Variants in AKNA observed in about 807,000 individuals in gnomAD.
AKNA encodes the protein AT-hook transcription factor.
A neutral mutation model predicts 138.8 loss-of-function variants in AKNA; 67 were observed. That is an observed-to-expected ratio of 0.48 (90% CI 0.40 to 0.59). The LOEUF (loss-of-function observed/expected upper bound fraction) is 0.59, where lower values mean the gene tolerates loss of function less well. Ranked by LOEUF, AKNA falls within the 20% of genes least tolerant of loss-of-function variation. The pLI is 0.00. For synonymous variants in AKNA, 737 were observed against 754.4 expected (o/e 0.98, Z 0.38); for missense variants, 1,813 against 1,880.4 (o/e 0.96, Z 0.66).
chr9:114,377,287 A>C lies in AKNA; in HGVS notation c.520T>G (p.Ser174Ala). 1 of 1,614,166 alleles carries C rather than the reference A, an allele frequency of 6.2e-7. No individual in the cohort carries two copies. The change falls in exon 3 of 22, where the codon TCT becomes GCT. Residue 174 changes from serine (S) to alanine (A), a missense_variant. Ser to Ala is a moderately conservative substitution (Grantham distance 99, BLOSUM62 1). Coordinates refer to ENST00000374088, the MANE Select transcript of AKNA (RefSeq NM_001317950.2). ...TTGTCCCCACTGGCTTGTTCGCCAG[A>C]AGCCACCCAGCCCCTGGCCTGACCA... Reference protein sequence around the residue: ...GHGQARGWVASGEQASGDKLS... With the variant: ...GHGQARGWVAAGEQASGDKLS...
chr9:114,395,336 C>T (rs1047696291), upstream of AKNA, among the ~76,000 whole-genome samples: 5 of 152,110 alleles, frequency 3.3e-5, no homozygotes, highest in African/African-American at 9.7e-5. Context: ...CCAACTGCCG[C>T]ACCTCTTCCC....
chr9:114,387,832 C>T (rs755688578), intron 1 of AKNA, 28 bp downstream of exon 1: 31 of 438,134 alleles, frequency 7.1e-5, no homozygotes, highest in Middle Eastern at 3.3e-4. Flanking sequence ...AGCGGCCTCC[C>T]GGGCCCTCCT....
intron 17 of AKNA, 65 bp downstream of exon 17, chr9:114,346,604 G>T: frequency 7.6e-7 from 1 of 1,315,928 alleles, no homozygotes; most frequent in South Asian, 1.3e-5. Flanking sequence ...TGTGGTCCCT[G>T]ACCACTGAGC....
upstream of AKNA, among the ~76,000 whole-genome samples, chr9:114,396,465 G>A (rs1009143997): frequency 2.0e-5 from 3 of 152,064 alleles, no homozygotes; most frequent in Non-Finnish European, 2.9e-5. Context: ...AGGATCATGA[G>A]GTCAGGAAAT....
At chr9:114,390,762 G>A (rs1307179262), upstream of AKNA, among the ~76,000 whole-genome samples, 1 of 152,164 alleles carries the variant, frequency 6.6e-6, no homozygotes, top group African/African-American at 2.4e-5. Context: ...CTGCCATACA[G>A]GCCTCCTTGC....
chr9:114,344,424 CACCCAGCCCCACCACCTCCTGCCTT>C (rs1207095529), intron 18 of AKNA: 2 of 153,022 alleles, frequency 1.3e-5, no homozygotes, highest in Non-Finnish European at 2.9e-5. Context: ...GTGGCCTCCT[CACCCAGCCCCACCACCTCCTGCCTT>C]ACCCACCCCT....
chr9:114,377,073 C>A lies in AKNA; in HGVS notation c.734G>T (p.Ser245Ile). ...LPEGPSHHLL[S>I]PDGRTGGSVA... ...ACTGCCTCCAGTTCTGCCATCTGGGCTTAGGAGGTGGTGGCTGGGGCCCTC... is the reference window on the plus strand; with the variant it reads ...ACTGCCTCCAGTTCTGCCATCTGGGATTAGGAGGTGGTGGCTGGGGCCCTC... The change falls in exon 3 of 22, where the codon AGC (serine) becomes ATC (isoleucine). Residue 245 changes from serine (S) to isoleucine (I), a missense_variant. Physicochemically the swap from Ser to Ile is moderately radical, Grantham distance 142. Coordinates refer to ENST00000374088, the MANE Select transcript of AKNA (RefSeq NM_001317950.2). The A allele has an allele frequency of 6.2e-7, 1 of 1,614,112 alleles. No individual in the cohort carries two copies. The highest frequency in any genetic ancestry group is 8.5e-7 in the Non-Finnish European group (1 of 1,179,994).
chr9:114,389,064 G>C (rs1252219050), upstream of AKNA, among the ~76,000 whole-genome samples: 8 of 152,158 alleles, frequency 5.3e-5, no homozygotes, highest in Non-Finnish European at 1.2e-4. Flanking sequence ...TCTATGAGGA[G>C]GTGACATTCA....
downstream of AKNA, chr9:114,331,485 C>A: frequency 8.8e-7 from 1 of 1,131,758 alleles, no homozygotes; most frequent in Non-Finnish European, 1.3e-6. Context: ...TGGCCCCGGA[C>A]ACACCTAGGA....
At position 114,356,122 on chromosome 9, in the gene AKNA, A is replaced by G. The variant is rs771277746; in HGVS notation, c.2861T>C (p.Leu954Ser). 1.9e-6 allele frequency: 3 copies of G among 1,613,442 alleles called. No homozygotes were observed. The Admixed American group carries it at 5.0e-5, about 27-fold the overall frequency. Residue 954 changes from leucine (L) to serine (S), a missense_variant, in exon 14 of 22, where the codon TTA becomes TCA. Physicochemically the swap from Leu to Ser is moderately radical, Grantham distance 145. Coordinates refer to ENST00000374088, the MANE Select transcript of AKNA (RefSeq NM_001317950.2). ...RLSHISTAGTLAQPFAASVPR... is the reference protein window; with the variant it reads ...RLSHISTAGTSAQPFAASVPR... ...CACAGATGCAGCAAAGGGCTGGGCT[A>G]ATGTTCCTGCTGTGCTGGGGGACCG... is the stretch of plus-strand genomic sequence containing the variant.
intron 2 of AKNA, 149 bp from the exon 3 acceptor site, chr9:114,377,681 G>T: frequency 1.2e-6 from 1 of 809,322 alleles, no homozygotes; most frequent in Non-Finnish European, 1.9e-6. Context: ...TTAGCCAAGT[G>T]CTTGTCTGAT....
chr9:114,347,782 C>G lies in AKNA; in HGVS notation c.3340G>C (p.Ala1114Pro). 1.3e-6 allele frequency: 2 copies of G among 1,547,722 alleles called. No individual in the cohort carries two copies. The highest frequency in any genetic ancestry group is 1.7e-6 in the Non-Finnish European group (2 of 1,145,500). Residue 1114 changes from alanine to proline, a missense_variant, in exon 16 of 22, where the codon GCC (alanine) becomes CCC (proline). Physicochemically the swap from Ala to Pro is conservative, Grantham distance 27. Coordinates refer to ENST00000374088, the MANE Select transcript of AKNA (RefSeq NM_001317950.2). The stretch of plus-strand genomic sequence containing the variant: ...TCTGCTGGCCGGCCGCGGGTCCGGG[C>G]GGGGCGGTCAAAGGCAGATGCTGGG... ...TRPASAFDRPARTRGRPADSP... is the reference protein window; with the variant it reads ...TRPASAFDRPPRTRGRPADSP...
chr9:114,356,205 AG>A, intron 13 of AKNA, 69 bp from the exon 14 acceptor site: 1 of 1,464,124 alleles, frequency 6.8e-7, no homozygotes, highest in Non-Finnish European at 9.3e-7. Context: ...GCAGCATCTG[AG>A]CCCCTCCACA....
chr9:114,377,570 G>C (rs749173922), intron 2 of AKNA, 38 bp from the exon 3 acceptor site: 1 of 1,527,884 alleles, frequency 6.5e-7, no homozygotes, highest in Non-Finnish European at 8.8e-7. Flanking sequence ...GCATATACCA[G>C]CTCTGCACCC....
At chr9:114,365,745 T>A (rs1385125189) in intron 6 of AKNA, among the ~76,000 whole-genome samples, 1 of 152,220 alleles carries the variant, frequency 6.6e-6, no homozygotes, top group Admixed American at 6.5e-5. Context: ...GGAGACACTT[T>A]ATATTTCTAA....
chr9:114,357,100 G>T, intron 12 of AKNA, 131 bp from the exon 13 acceptor site: 2 of 697,648 alleles, frequency 2.9e-6, no homozygotes, highest in Non-Finnish European at 2.3e-6. Flanking sequence ...GCTCCCAACA[G>T]CCAGGCCCAG....
chr9:114,348,081 C>T (rs994390482), intron 15 of AKNA, among the ~76,000 whole-genome samples, 181 bp from the exon 16 acceptor site: 3 of 152,186 alleles, frequency 2.0e-5, no homozygotes, highest in Admixed American at 6.5e-5. Flanking sequence ...CAACTTGACA[C>T]CTTTCTGAGT....
At chr9:114,341,903 C>T in intron 20 of AKNA, 106 bp downstream of exon 20, 2 of 1,350,876 alleles carry the variant, frequency 1.5e-6, no homozygotes, top group Admixed American at 1.7e-5. Context: ...TTGCTCTGTC[C>T]CAGACTGGAA....
intron 2 of AKNA, among the ~76,000 whole-genome samples, chr9:114,379,661 C>T (rs1333195077): frequency 1.3e-5 from 2 of 152,182 alleles, no homozygotes; most frequent in East Asian, 1.9e-4. Flanking sequence ...GCAATAGTTA[C>T]CATATATTCA....
Sources: gnomAD v4.1 joint callset for allele counts (sites outside exome capture counted in the v4.1 genomes callset) on GRCh38, gnomAD v4.1.1 for gene constraint, MANE v1.5 for transcripts, NCBI Gene and HGNC (gene_info 2026-07-23, HGNC 2026-07-21) for gene names.